The following RBX1 variants were observed in gnomAD, a reference collection of about 807,000 sequenced individuals.
The protein encoded by RBX1 is ring-box 1, also known as E3 ubiquitin-protein ligase RBX1.
For synonymous variants in RBX1, 48 were observed against 47.9 expected (o/e 1.00, Z -0.01); for missense variants, 46 against 141.4 (o/e 0.33, Z 3.42).
At chr22:40,970,075 C>G (rs2058364879) in intron 4 of RBX1, among the ~76,000 whole-genome samples, 1 of 141,958 alleles carries the variant, frequency 7.0e-6, no homozygotes, top group Admixed American at 7.0e-5. Flanking sequence ...AAAAAAAAAG[C>G]CCAGGTGTAG....
chr22:40,970,053 T>TAAA (rs71328761), intron 4 of RBX1, among the ~76,000 whole-genome samples: 5 of 109,672 alleles, frequency 4.6e-5, no homozygotes, highest in Admixed American at 1.0e-4. Flanking sequence ...AGACCCAATT[T>TAAA]AAAAAAAAAA....
intron 4 of RBX1, among the ~76,000 whole-genome samples, chr22:40,970,713 C>G (rs1437816354): frequency 6.6e-6 from 1 of 151,672 alleles, no homozygotes; most frequent in Non-Finnish European, 1.5e-5. Flanking sequence ...AATTTAAATA[C>G]GTCTTTATTA....
At chr22:40,963,968 T>G in intron 2 of RBX1, 79 bp from the exon 3 acceptor site, 140 of 1,038,208 alleles carry the variant, frequency 1.3e-4, no homozygotes, top group Non-Finnish European at 1.9e-4. Context: ...ATTAACCACT[T>G]GAGAATTGTT....
intron 3 of RBX1, chr22:40,966,514 C>G (rs1047105552): frequency 1.3e-5 from 2 of 152,152 alleles, no homozygotes; most frequent in Non-Finnish European, 2.9e-5. Context: ...TTTGCTCTTT[C>G]TCTTTTTCAC....
intron 2 of RBX1, among the ~76,000 whole-genome samples, chr22:40,958,063 A>T (rs1569043125): frequency 6.6e-6 from 1 of 151,946 alleles, no homozygotes; most frequent in Non-Finnish European, 1.5e-5. Flanking sequence ...TGACCTCATG[A>T]TCACCCATCT....
intron 2 of RBX1, among the ~76,000 whole-genome samples, chr22:40,958,339 A>G (rs1207998538): frequency 6.6e-6 from 1 of 152,128 alleles, no homozygotes; most frequent in Non-Finnish European, 1.5e-5. Context: ...ATGGGAAAAG[A>G]ACTTAGCAAG....
chr22:40,963,527 T>C (rs541569275), intron 2 of RBX1, among the ~76,000 whole-genome samples: 12 of 152,118 alleles, frequency 7.9e-5, no homozygotes, highest in South Asian at 4.2e-4. Flanking sequence ...TTCCAGCTAC[T>C]TGGGAGTCTG....
chr22:40,964,031 G>T lies in RBX1; in HGVS notation c.158-16G>T. 2 of 1,610,378 alleles carry T rather than the reference G, an allele frequency of 1.2e-6. No individual in the cohort carries two copies. Among genetic ancestry groups the T allele is most frequent in the Non-Finnish European group, 1.7e-6 (2 of 1,176,618 alleles). On this transcript the variant is annotated splice_polypyrimidine_tract_variant and intron_variant, in intron 2 of 4. Coordinates refer to ENST00000216225, the MANE Select transcript of RBX1 (RefSeq NM_014248.4). ...GCTCCCAAGGTCCAGTGATCCTGTT[G>T]CTCTTGTTCCCACAGGCATAGAATG...
intron 2 of RBX1, among the ~76,000 whole-genome samples, chr22:40,954,712 T>C (rs1419995567): frequency 1.3e-5 from 2 of 151,930 alleles, no homozygotes; most frequent in East Asian, 1.9e-4. Flanking sequence ...TCACTCCTGC[T>C]CACTCTGTTA....
At chr22:40,969,305 A>G (rs965902290) in intron 4 of RBX1, among the ~76,000 whole-genome samples, 37 of 152,200 alleles carry the variant, frequency 2.4e-4, no homozygotes, top group Non-Finnish European at 4.3e-4. Context: ...CTCCATCTCA[A>G]AAAACAAAGT....
At chr22:40,963,948 A>G (rs73174620) in intron 2 of RBX1, 99 bp from the exon 3 acceptor site, 44 of 846,332 alleles carry the variant, frequency 5.2e-5, no homozygotes, top group Admixed American at 7.7e-5. Context: ...TTAAAAAACA[A>G]TTATGGCTAA....
intron 2 of RBX1, among the ~76,000 whole-genome samples, chr22:40,953,858 A>G (rs2058318043): frequency 6.6e-6 from 1 of 152,212 alleles, no homozygotes; most frequent in Non-Finnish European, 1.5e-5. Context: ...TAAAGATGGC[A>G]GGGACACATT....
At position 40,965,806 on chromosome 22, in the gene RBX1, T is replaced by C. The variant is rs1384209213; in HGVS notation, c.228+1689T>C. On this transcript the variant is annotated intron_variant, in intron 3 of 4. Transcript: ENST00000216225. The stretch of plus-strand genomic sequence containing the variant: ...TGGGACCCTTTGGCCAGGCTCACAA[T>C]AGACCATGTTGGCCATGGGGGAGCT... Among the ~76,000 whole-genome samples, 5 of 152,330 alleles carry C rather than the reference T, an allele frequency of 3.3e-5. No individual in the cohort carries two copies. In the East Asian group the frequency reaches 9.6e-4, roughly 29 times the overall value.
chr22:40,963,936 C>A, intron 2 of RBX1, 111 bp from the exon 3 acceptor site: 1 of 761,686 alleles, frequency 1.3e-6, no homozygotes. Flanking sequence ...TTCCCACATT[C>A]ATTAAAAAAC....
chr22:40,965,774 T>A (rs942577103), intron 3 of RBX1, among the ~76,000 whole-genome samples: 1 of 152,194 alleles, frequency 6.6e-6, no homozygotes, highest in Admixed American at 6.5e-5. Context: ...CCTTCTTCCA[T>A]CTTTGTTGGG....
chr22:40,959,786 G>GC (rs1569043511), intron 2 of RBX1, among the ~76,000 whole-genome samples: 3 of 152,008 alleles, frequency 2.0e-5, no homozygotes, highest in East Asian at 3.9e-4. Flanking sequence ...CCTCCGGCCT[G>GC]GGGGGACAAA....
rs1429171242 is a variant in RBX1 at position 40,972,718 on chromosome 22, C to T, written c.*230C>T. On this transcript the variant is annotated 3_prime_UTR_variant, in exon 5 of 5. Transcript: ENST00000216225. ...AAGTGAACATAAATGAAGAGTCTCCCCTTCCAAGGCTGAAAACTCAGCTTT... is the reference window on the plus strand; with the variant it reads ...AAGTGAACATAAATGAAGAGTCTCCTCTTCCAAGGCTGAAAACTCAGCTTT... 2.1e-6 allele frequency: 1 copy of T among 477,582 alleles called. No homozygotes were observed. Among genetic ancestry groups the T allele is most frequent in the East Asian group, 3.4e-5 (1 of 29,336 alleles). The allele number at this position is 477,582 out of a possible 1,614,324, so 29.6% of individuals were successfully genotyped here. A position where few individuals can be genotyped will look rare whatever the true frequency, so the allele number is the denominator to read the frequency against.
chr22:40,958,444 A>T (rs186317440), intron 2 of RBX1, among the ~76,000 whole-genome samples: 1 of 152,234 alleles, frequency 6.6e-6, no homozygotes, highest in East Asian at 1.9e-4. Flanking sequence ...ATTTTAATAA[A>T]TCTTGTCTGA....
chr22:40,962,993 G>A (rs2058345383), intron 2 of RBX1, among the ~76,000 whole-genome samples: 2 of 151,474 alleles, frequency 1.3e-5, no homozygotes, highest in Admixed American at 1.3e-4. Flanking sequence ...ATCGCGCCTG[G>A]CCTACTCCTG....
Sources: allele counts gnomAD v4.1 joint callset (sites outside exome capture counted in the v4.1 genomes callset), GRCh38; gene constraint gnomAD v4.1.1; transcripts MANE v1.5; gene names NCBI Gene and HGNC (gene_info 2026-07-23, HGNC 2026-07-21).